The following NRG4 variants were observed in gnomAD, a reference collection of about 807,000 sequenced individuals.
NRG4 encodes pro-neuregulin-4, membrane-bound isoform.
In NRG4, 10 loss-of-function variants were observed where a neutral mutation model predicts 15.0. The observed-to-expected ratio is 0.67, with a 90% CI of 0.41 to 1.13. The LOEUF (loss-of-function observed/expected upper bound fraction) is 1.13, where lower values mean the gene tolerates loss of function less well. Ranked by LOEUF, NRG4 falls within the 50% of genes most tolerant of loss-of-function variation. The probability of loss-of-function intolerance (pLI) is 0.00; values close to 1 mark genes in which losing one functional copy is unlikely to be tolerated. For synonymous variants in NRG4, 41 were observed against 50.1 expected, an observed-to-expected ratio of 0.82 and a Z score of 0.77; for missense variants, 139 against 140.2, an observed-to-expected ratio of 0.99 and a Z score of 0.04.
chr15:75,994,502 T>C (rs1311362843), intron 3 of NRG4, among the ~76,000 whole-genome samples: 1 of 152,262 alleles, frequency 6.6e-6, no homozygotes, highest in Non-Finnish European at 1.5e-5. Flanking sequence ...TACTTTTGTT[T>C]CTTCCTGCTT....
At chr15:76,058,611 A>G (rs1498196) in intron 1 of NRG4, among the ~76,000 whole-genome samples, 9,255 of 152,274 alleles carry the variant, frequency 0.061, 620 homozygotes, top group African/African-American at 0.17. Flanking sequence ...TGGGAGGCCA[A>G]CTGGACCTAA....
upstream of NRG4, among the ~76,000 whole-genome samples, chr15:76,014,329 C>T: frequency 6.6e-6 from 1 of 152,160 alleles, no homozygotes; most frequent in Non-Finnish European, 1.5e-5. Flanking sequence ...TTTTGCTGTG[C>T]AGAAGCTCTT....
At chr15:75,952,290 A>G (rs1595946986) in intron 5 of NRG4, among the ~76,000 whole-genome samples, 1 of 152,144 alleles carries the variant, frequency 6.6e-6, no homozygotes, top group Non-Finnish European at 1.5e-5. Context: ...GTCTGTCTCT[A>G]TAGATTTGCC....
At chr15:76,044,398 A>T (rs1374945876) in intron 4 of NRG4, among the ~76,000 whole-genome samples, 1 of 150,936 alleles carries the variant, frequency 6.6e-6, no homozygotes. Flanking sequence ...ATCCATATGC[A>T]GAAGAATGAA....
intron 5 of NRG4, among the ~76,000 whole-genome samples, chr15:75,955,362 C>A (rs335729): frequency 0.94 from 142,791 of 152,270 alleles, 67,270 homozygotes; most frequent in East Asian, 1. Flanking sequence ...CATTGGCTTA[C>A]CTAGTCTATT....
At position 75,942,061 on chromosome 15, in the gene NRG4, A is replaced by T. The variant is rs894835388; in HGVS notation, c.*1577T>A. ...TTAAGTGTATATTGCTAAGTGAAAG[A>T]AGTTAGTCTGAAAGGCTACATACTA... On this transcript the variant is annotated 3_prime_UTR_variant, in exon 6 of 6. Transcript: ENST00000394907. The T allele has an allele frequency of 6.6e-6, 1 of 151,428 alleles. No homozygotes were observed. The allele number at this position is 151,428 out of a possible 1,614,324, so 9.4% of individuals were successfully genotyped here.
At chr15:75,947,806 G>C (rs1417582234) in intron 5 of NRG4, among the ~76,000 whole-genome samples, 1 of 152,124 alleles carries the variant, frequency 6.6e-6, no homozygotes, top group Non-Finnish European at 1.5e-5. Flanking sequence ...CCAACACATG[G>C]TTTCTGGTTT....
rs145082702 is a variant in NRG4 at position 76,032,828 on chromosome 15, A to G, written c.-57+3116T>C. On this transcript the variant is annotated intron_variant, in intron 5 of 8. Transcript: ENST00000563910. ...ATGAACAAAAACATTTAAAAGGACAACTGAAAGTAAAAGTAGATGTTCTGA... is the reference window on the plus strand; with the variant it reads ...ATGAACAAAAACATTTAAAAGGACAGCTGAAAGTAAAAGTAGATGTTCTGA... Among the ~76,000 whole-genome samples, 169 of 152,370 alleles carry G rather than the reference A, an allele frequency of 1.1e-3. 1 individual carries two copies. The highest frequency in any genetic ancestry group is 2.1e-3 in the Non-Finnish European group (143 of 68,040).
At chr15:76,045,999 GA>G (rs1272529864) in intron 4 of NRG4, among the ~76,000 whole-genome samples, 7 of 151,122 alleles carry the variant, frequency 4.6e-5, no homozygotes, top group African/African-American at 1.5e-4. Flanking sequence ...ACCCTGATGT[GA>G]TTATGCATTG....
At chr15:76,031,253 G>A (rs922288963) in intron 5 of NRG4, among the ~76,000 whole-genome samples, 3 of 152,150 alleles carry the variant, frequency 2.0e-5, no homozygotes, top group South Asian at 2.1e-4. Context: ...CCTACAATTA[G>A]CATCATATTT....
At chr15:75,985,730 C>T (rs1053005725) in intron 3 of NRG4, among the ~76,000 whole-genome samples, 5 of 152,054 alleles carry the variant, frequency 3.3e-5, no homozygotes, top group African/African-American at 1.2e-4. Flanking sequence ...TTCTCCACAT[C>T]TTGAATATAA....
chr15:76,008,877 G>T (rs183602299), intron 3 of NRG4, among the ~76,000 whole-genome samples: 2 of 152,066 alleles, frequency 1.3e-5, no homozygotes, highest in Non-Finnish European at 2.9e-5. Flanking sequence ...TAGCTGTTTT[G>T]CCAGTAATAT....
chr15:75,999,137 A>C (rs1053306912), intron 3 of NRG4, among the ~76,000 whole-genome samples: 1 of 152,184 alleles, frequency 6.6e-6, no homozygotes, highest in African/African-American at 2.4e-5. Flanking sequence ...TCAGCAGGGG[A>C]ATTCATTCAT....
intron 3 of NRG4, among the ~76,000 whole-genome samples, chr15:75,976,723 C>T (rs557074990): frequency 4.6e-4 from 70 of 152,244 alleles, no homozygotes; most frequent in African/African-American, 1.6e-3. Flanking sequence ...GAGGGGTACC[C>T]GCCAGATGCC....
chr15:75,953,539 T>C (rs372835957), intron 5 of NRG4, among the ~76,000 whole-genome samples: 1 of 152,256 alleles, frequency 6.6e-6, no homozygotes, highest in South Asian at 2.1e-4. Context: ...TGTAGAATTA[T>C]AGGTTTACTT....
intron 3 of NRG4, chr15:75,971,060 T>G: frequency 3.9e-6 from 1 of 257,330 alleles, no homozygotes; most frequent in Non-Finnish European, 7.7e-6. Context: ...GTAGAAAACT[T>G]ATGCTAATGC....
chr15:75,955,792 C>CAA lies in NRG4; in HGVS notation c.331+138_331+139dup, dbSNP rs11341073. On this transcript the variant is annotated intron_variant, in intron 5 of 5. Coordinates refer to ENST00000394907, the MANE Select transcript of NRG4 (RefSeq NM_138573.4). ...TTTTATGTGAAAAAGGGTACCTGGCCAAAAAAAAAAAAAAAAACCCATAGA... is the reference window on the plus strand; with the variant it reads ...TTTTATGTGAAAAAGGGTACCTGGCCAAAAAAAAAAAAAAAAAAACCCATAGA... The CAA allele has an allele frequency of 5.5e-3, 1,653 of 301,572 alleles. 1 individual carries two copies. Among genetic ancestry groups the CAA allele is most frequent in the South Asian group, 8.1e-3 (138 of 17,062 alleles). 18.7% of individuals were successfully genotyped at this position (301,572 alleles called of 1,614,324 possible). A position where few individuals can be genotyped will look rare whatever the true frequency, so the allele number is the denominator to read the frequency against.
intron 5 of NRG4, among the ~76,000 whole-genome samples, chr15:76,022,066 G>A (rs961350003): frequency 2.0e-5 from 3 of 152,274 alleles, no homozygotes; most frequent in East Asian, 1.9e-4. Flanking sequence ...GATAGGAGGC[G>A]GAGCACAGGC....
chr15:76,019,260 T>C (rs1404214726), intron 5 of NRG4, among the ~76,000 whole-genome samples: 1 of 152,112 alleles, frequency 6.6e-6, no homozygotes, highest in Non-Finnish European at 1.5e-5. Context: ...GATTTTAGCT[T>C]GCTGGGCTCC....
Sources: gnomAD v4.1 joint callset for allele counts (sites outside exome capture counted in the v4.1 genomes callset) on GRCh38, gnomAD v4.1.1 for gene constraint, MANE v1.5 for transcripts, NCBI Gene and HGNC (gene_info 2026-07-23, HGNC 2026-07-21) for gene names.